Variants in SMAD3 observed in about 807,000 individuals in gnomAD.
SMAD3 encodes MAD homolog 3.
SMAD3 carries 12 observed loss-of-function variants against 51.8 expected under a neutral mutation model. That is an observed-to-expected ratio of 0.23 (90% CI 0.15 to 0.38). The LOEUF (loss-of-function observed/expected upper bound fraction) is 0.38. SMAD3 is among the 10% of genes least tolerant of loss of function. SMAD3 has a pLI of 1.00. For synonymous variants in SMAD3, 238 were observed against 227.7 expected (o/e 1.05, Z -0.41); for missense variants, 294 against 565.6 (o/e 0.52, Z 4.87).
At chr15:67,077,466 C>G (rs1161893837) in intron 1 of SMAD3, among the ~76,000 whole-genome samples, 4 of 152,144 alleles carry the variant, frequency 2.6e-5, no homozygotes, top group African/African-American at 9.7e-5. Context: ...AGAGCTGGAC[C>G]ACTGAATGTG....
At chr15:67,190,016 C>T (rs1173068308) in intron 8 of SMAD3, among the ~76,000 whole-genome samples, 4 of 151,888 alleles carry the variant, frequency 2.6e-5, no homozygotes, top group African/African-American at 7.3e-5. Flanking sequence ...GATAGGGGAG[C>T]GGCACGTGCC....
chr15:67,100,467 T>C (rs1057082113), intron 1 of SMAD3, among the ~76,000 whole-genome samples: 4 of 152,102 alleles, frequency 2.6e-5, no homozygotes, highest in African/African-American at 9.7e-5. Context: ...GTGAATGAAC[T>C]CAATGCCACC....
intron 1 of SMAD3, among the ~76,000 whole-genome samples, chr15:67,136,663 G>T (rs956376494): frequency 3.3e-5 from 5 of 152,154 alleles, no homozygotes; most frequent in Non-Finnish European, 5.9e-5. Context: ...AGGTGTTTTG[G>T]CTTTTGTCTT....
intron 1 of SMAD3, among the ~76,000 whole-genome samples, chr15:67,088,869 G>A (rs1960451471): frequency 6.6e-6 from 1 of 152,190 alleles, no homozygotes; most frequent in South Asian, 2.1e-4. Flanking sequence ...AGAGGTTGCA[G>A]TGAGCTGAGA....
chr15:67,152,418 C>A (rs1256339881), intron 1 of SMAD3, among the ~76,000 whole-genome samples: 1 of 152,168 alleles, frequency 6.6e-6, no homozygotes, highest in Non-Finnish European at 1.5e-5. Context: ...GCGAGAGGCC[C>A]AGATCACCCA....
chr15:67,105,828 T>C (rs894621976), intron 1 of SMAD3, among the ~76,000 whole-genome samples: 1 of 152,140 alleles, frequency 6.6e-6, no homozygotes, highest in Non-Finnish European at 1.5e-5. Flanking sequence ...ATTGTTGACA[T>C]CTGTGCTGTG....
At chr15:67,173,006 G>A (rs1036973346) in intron 5 of SMAD3, among the ~76,000 whole-genome samples, 1 of 152,164 alleles carries the variant, frequency 6.6e-6, no homozygotes, top group African/African-American at 2.4e-5. Flanking sequence ...TTGGAAGAGG[G>A]ACCACAGACA....
rs768924998 is a variant in SMAD3 at position 67,187,547 on chromosome 15, TC to T, written c.1154+40del. 2.5e-6 allele frequency: 4 copies of T among 1,612,454 alleles called. No individual in the cohort carries two copies. The African/African-American group carries it at 5.3e-5, about 22-fold the overall frequency. ...TGCTGCCTACATCAGGGGACCCAACTCCAGGTGACTCTGGACAGCAGAGCAG... is the reference window on the plus strand; with the variant it reads ...TGCTGCCTACATCAGGGGACCCAACTCAGGTGACTCTGGACAGCAGAGCAG... On this transcript the variant is annotated intron_variant, in intron 8 of 8. Transcript: ENST00000327367.
At chr15:67,172,383 G>A (rs1049588287) in intron 5 of SMAD3, among the ~76,000 whole-genome samples, 1 of 152,208 alleles carries the variant, frequency 6.6e-6, no homozygotes, top group Admixed American at 6.5e-5. Flanking sequence ...AGTGAGTCAG[G>A]GTTAGGCTTC....
At chr15:67,181,914 T>A (rs1467128209) in intron 6 of SMAD3, among the ~76,000 whole-genome samples, 1 of 151,960 alleles carries the variant, frequency 6.6e-6, no homozygotes, top group Non-Finnish European at 1.5e-5. Context: ...GCTTCCCAAG[T>A]AGCTGGGATT....
chr15:67,134,703 C>T (rs900951485), intron 1 of SMAD3, among the ~76,000 whole-genome samples: 1 of 152,194 alleles, frequency 6.6e-6, no homozygotes, highest in Non-Finnish European at 1.5e-5. Context: ...GACTCTGGCT[C>T]TCAAAGACTC....
intron 1 of SMAD3, among the ~76,000 whole-genome samples, chr15:67,095,358 T>C (rs1960593544): frequency 6.6e-6 from 1 of 152,126 alleles, no homozygotes; most frequent in African/African-American, 2.4e-5. Context: ...GGTCCTAACC[T>C]AATTTGGCTT....
chr15:67,071,785 C>T (rs548763947), intron 1 of SMAD3, among the ~76,000 whole-genome samples: 1 of 152,184 alleles, frequency 6.6e-6, no homozygotes, highest in East Asian at 1.9e-4. Context: ...GCACTCCAGC[C>T]TGGGCGACAG....
At chr15:67,130,476 A>C (rs2140252148) in intron 1 of SMAD3, among the ~76,000 whole-genome samples, 1 of 152,264 alleles carries the variant, frequency 6.6e-6, no homozygotes, top group East Asian at 1.9e-4. Context: ...TTAGATTCTC[A>C]TAGGAGCGTG....
chr15:67,179,964 C>G (rs1343525007), intron 5 of SMAD3, among the ~76,000 whole-genome samples: 1 of 152,132 alleles, frequency 6.6e-6, no homozygotes, highest in Non-Finnish European at 1.5e-5. Context: ...GAGGCACACC[C>G]TTAGTAACTG....
At chr15:67,129,488 GTTA>G (rs1961470688) in intron 1 of SMAD3, among the ~76,000 whole-genome samples, 1 of 144,476 alleles carries the variant, frequency 6.9e-6, no homozygotes, top group Non-Finnish European at 1.5e-5. Context: ...TTCATTATTA[GTTA>G]TTGTTGTTAA....
chr15:67,082,063 C>G (rs550808342), intron 1 of SMAD3, among the ~76,000 whole-genome samples: 12 of 152,092 alleles, frequency 7.9e-5, no homozygotes, highest in Non-Finnish European at 1.8e-4. Context: ...CTCCTGAACA[C>G]TTACTGATGA....
chr15:67,136,905 T>C (rs1961680031), intron 1 of SMAD3, among the ~76,000 whole-genome samples: 1 of 152,202 alleles, frequency 6.6e-6, no homozygotes, highest in East Asian at 1.9e-4. Context: ...ACAGGCCCCA[T>C]TGACCATAGG....
chr15:67,113,618 CT>C (rs1332117539), intron 1 of SMAD3, among the ~76,000 whole-genome samples: 1 of 152,164 alleles, frequency 6.6e-6, no homozygotes, highest in Non-Finnish European at 1.5e-5. Context: ...TGGCCTTGAG[CT>C]TTCTAGCAGC....
Sources: allele counts gnomAD v4.1 joint callset (sites outside exome capture counted in the v4.1 genomes callset), GRCh38; gene constraint gnomAD v4.1.1; transcripts MANE v1.5; gene names NCBI Gene and HGNC (gene_info 2026-07-23, HGNC 2026-07-21).